The following XPC variants were observed in gnomAD, a reference collection of about 807,000 sequenced individuals.
The protein encoded by XPC is XPC complex subunit, DNA damage recognition and repair factor, also known as DNA repair protein complementing XP-C cells.
In XPC, 76 loss-of-function variants were observed where a neutral mutation model predicts 95.8. The observed-to-expected ratio is 0.79, with a 90% CI of 0.66 to 0.96. XPC has a LOEUF of 0.96. Among genes scored for constraint, XPC ranks in the 40% least tolerant of loss-of-function variants. XPC has a pLI of 0.00. For synonymous variants in XPC, 442 were observed against 442.1 expected (o/e 1.00, Z 0.00); for missense variants, 1,146 against 1,179.8 (o/e 0.97, Z 0.42).
chr3:14,148,846 CCT>C lies in XPC; in HGVS notation c.2216_2217del (p.Glu739GlyfsTer59), dbSNP rs1559369237. The C allele has an allele frequency of 2.5e-6, 4 of 1,613,930 alleles. No individual in the cohort carries two copies. Among genetic ancestry groups the C allele is most frequent in the Non-Finnish European group, 3.4e-6 (4 of 1,179,904 alleles). ...TCCACGGCCACTGGGGGCTGATACT[CCT>C]CTGTCTGCCAGTAGCCAAACAGGCC... ...DLGLFGYWQT[E>X]EYQPPVAVDG... On this transcript the variant is annotated frameshift_variant, in exon 12 of 16. Coordinates refer to ENST00000285021, the MANE Select transcript of XPC (RefSeq NM_004628.5). LOFTEE classifies it high-confidence loss of function.
chr3:14,161,680 C>G (rs1696173211), intron 7 of XPC, among the ~76,000 whole-genome samples: 2 of 146,786 alleles, frequency 1.4e-5, no homozygotes, highest in East Asian at 4.0e-4. Context: ...GGAACTGAGT[C>G]AACGTGATAA....
At chr3:14,146,495 C>T (rs1367757163) in intron 15 of XPC, among the ~76,000 whole-genome samples, 1 of 152,142 alleles carries the variant, frequency 6.6e-6, no homozygotes, top group Admixed American at 6.5e-5. Context: ...ATTTCTGGAC[C>T]AAAGCACATG....
In XPC at chr3:14,161,874, T is replaced by C. The variant is rs908701558; in HGVS notation, c.901-2044A>G. ...AGGAAGAAGTAAAATGATCTACTCA[T>C]AGATGGCATGATCCTATACATAGAA... On this transcript the variant is annotated intron_variant, in intron 7 of 15. Coordinates refer to ENST00000285021, the MANE Select transcript of XPC (RefSeq NM_004628.5). Among the ~76,000 whole-genome samples the C allele has an allele frequency of 4.0e-5, 6 of 151,832 alleles. No homozygotes were observed. In the East Asian group the frequency reaches 1.2e-3, roughly 29 times the overall value.
chr3:14,149,088 C>CT, intron 11 of XPC, 140 bp from the exon 12 acceptor site: 1 of 1,278,966 alleles, frequency 7.8e-7, no homozygotes, highest in Non-Finnish European at 1.1e-6. Flanking sequence ...GCTTTTTCTC[C>CT]CTTTTTTTTT....
At chr3:14,153,287 G>A (rs756136426) in intron 10 of XPC, 3 of 152,220 alleles carry the variant, frequency 2.0e-5, no homozygotes, top group Non-Finnish European at 4.4e-5. Flanking sequence ...ACCTTCCTGA[G>A]CCTCAGTACA....
rs1489216351 is a variant in XPC, at chr3:14,146,206, C to T, written c.2605-47G>A. On this transcript the variant is annotated intron_variant, in intron 15 of 15. Coordinates refer to ENST00000285021, the MANE Select transcript of XPC (RefSeq NM_004628.5). ...GAGGACACAGGCGAGGGTTAGTAAT[C>T]AGATACCAGGAAGCCCCATGAAGAG... is the stretch of plus-strand genomic sequence containing the variant. 4 of 1,532,386 alleles carry T rather than the reference C, an allele frequency of 2.6e-6. No individual in the cohort carries two copies. In the African/African-American group the frequency reaches 5.5e-5, roughly 21 times the overall value. 94.9% of individuals were successfully genotyped at this position (1,532,386 alleles called of 1,614,324 possible).
intron 11 of XPC, chr3:14,149,586 A>C (rs958655813): frequency 2.0e-5 from 3 of 152,032 alleles, no homozygotes; most frequent in African/African-American, 7.3e-5. Flanking sequence ...CTGTCTCCTG[A>C]GTAGCTGGGA....
chr3:14,146,486 T>C (rs974267583), intron 15 of XPC, among the ~76,000 whole-genome samples: 4 of 152,138 alleles, frequency 2.6e-5, no homozygotes, highest in African/African-American at 9.7e-5. Flanking sequence ...TGCTACCTCA[T>C]TTCTGGACCA....
At position 14,145,853 on chromosome 3, in the gene XPC, C is replaced by T; in HGVS notation, c.*88G>A. 1 of 1,503,746 alleles carries T rather than the reference C, an allele frequency of 6.7e-7. No homozygotes were observed. The highest frequency in any genetic ancestry group is 9.1e-7 in the Non-Finnish European group (1 of 1,100,282). 93.2% of individuals were successfully genotyped at this position (1,503,746 alleles called of 1,614,324 possible). ...GCCTTCTCAGCAGAGAAGCCCCCACCACCAGGGGCTGGGCATGCCCAGGGC... is the reference window on the plus strand; with the variant it reads ...GCCTTCTCAGCAGAGAAGCCCCCACTACCAGGGGCTGGGCATGCCCAGGGC... On this transcript the variant is annotated 3_prime_UTR_variant, in exon 16 of 16. Transcript: ENST00000285021.
At chr3:14,147,742 A>C in intron 14 of XPC, 166 bp downstream of exon 14, 1 of 644,126 alleles carries the variant, frequency 1.6e-6, no homozygotes, top group Non-Finnish European at 2.7e-6. Context: ...CGGGGTGGGC[A>C]GGAGCCTGCT....
At chr3:14,169,918 A>G (rs1414945294) in intron 3 of XPC, among the ~76,000 whole-genome samples, 1 of 152,184 alleles carries the variant, frequency 6.6e-6, no homozygotes, top group East Asian at 1.9e-4. Context: ...TGATAACATT[A>G]GCTGGTATTT....
Position 14,145,783 on chromosome 3 carries a change from GCCTCGTCTCC to G in XPC, c.*148_*157del. 1.1e-6 allele frequency: 1 copy of G among 890,114 alleles called. No individual in the cohort carries two copies. Among genetic ancestry groups the G allele is most frequent in the East Asian group, 2.6e-5 (1 of 37,980 alleles). 55.1% of individuals were successfully genotyped at this position (890,114 alleles called of 1,614,324 possible). A position where few individuals can be genotyped will look rare whatever the true frequency, so the allele number is the denominator to read the frequency against. On this transcript the variant is annotated 3_prime_UTR_variant, in exon 16 of 16. Coordinates refer to ENST00000285021, the MANE Select transcript of XPC (RefSeq NM_004628.5). ...GGACCTGCAGCACCTCCTCAGCTTG[GCCTCGTCTCC>G]CCTGACCCCGCCTCCGTGCATGCTG...
At chr3:14,156,258 A>C (rs149400111) in intron 10 of XPC, 77 bp downstream of exon 10, 235 of 1,530,584 alleles carry the variant, frequency 1.5e-4, no homozygotes, top group Non-Finnish European at 2.0e-4. Context: ...TCCCATCAGC[A>C]ACCCTTGCCT....
At position 14,178,482 on chromosome 3, in the gene XPC, A is replaced by G. The variant is rs1696935261; in HGVS notation, c.87T>C (p.Arg29=). 2 of 1,610,242 alleles carry G rather than the reference A, an allele frequency of 1.2e-6. No homozygotes were observed. The highest frequency in any genetic ancestry group is 2.7e-5 in the African/African-American group (2 of 74,820). The change falls in exon 1 of 16, where the codon CGT becomes CGC. Residue 29 remains arginine, a synonymous_variant. Coordinates refer to ENST00000285021, the MANE Select transcript of XPC (RefSeq NM_004628.5). The part of the protein sequence containing the change: ...QKSKAKSKAR[R]EEEEEDAFED... The stretch of plus-strand genomic sequence containing the variant: ...CGCTCTCACCCTCCTCCTCCTCCTC[A>G]CGCCGGGCCTTGCTCTTGGCCTTGG...
intron 9 of XPC, 26 bp from the exon 10 acceptor site, chr3:14,156,521 G>A (rs1214321656): frequency 6.2e-7 from 1 of 1,613,566 alleles, no homozygotes; most frequent in Non-Finnish European, 8.5e-7. Context: ...AGACAAGGTT[G>A]AGCATGTTAT....
chr3:14,160,637 A>C (rs1196423124), intron 7 of XPC, among the ~76,000 whole-genome samples: 1 of 152,258 alleles, frequency 6.6e-6, no homozygotes, highest in Non-Finnish European at 1.5e-5. Flanking sequence ...AAACACTGTC[A>C]CACACTGGAG....
chr3:14,175,338 G>A (rs925341299), intron 1 of XPC, among the ~76,000 whole-genome samples: 2 of 152,126 alleles, frequency 1.3e-5, no homozygotes, highest in Non-Finnish European at 2.9e-5. Context: ...ATATAAGTTT[G>A]AGGGTTTTTC....
chr3:14,162,695 G>A (rs965669662), intron 7 of XPC, among the ~76,000 whole-genome samples: 3 of 152,166 alleles, frequency 2.0e-5, no homozygotes, highest in Non-Finnish European at 4.4e-5. Flanking sequence ...CGATCTTTAT[G>A]ACCTTGGATT....
chr3:14,148,159 C>T, intron 13 of XPC, 158 bp from the exon 14 acceptor site: 1 of 649,874 alleles, frequency 1.5e-6, no homozygotes, highest in Non-Finnish European at 2.6e-6. Context: ...GTGCAGAAGG[C>T]AGGCCTGTGG....
Sources: gnomAD v4.1 joint callset for allele counts (sites outside exome capture counted in the v4.1 genomes callset) on GRCh38, gnomAD v4.1.1 for gene constraint, MANE v1.5 for transcripts, NCBI Gene and HGNC (gene_info 2026-07-23, HGNC 2026-07-21) for gene names.